NCOA7: variants seen among roughly 807,000 people sequenced by gnomAD.
The protein encoded by NCOA7 is nuclear receptor coactivator 7.
NCOA7 carries 45 observed loss-of-function variants against 104.3 expected under a neutral mutation model. The observed-to-expected ratio is 0.43, with a 90% CI of 0.34 to 0.55. NCOA7 has a LOEUF of 0.55. Among genes scored for constraint, NCOA7 ranks in the 20% least tolerant of loss-of-function variants. NCOA7 has a pLI of 0.02. For missense variants in NCOA7, 1,041 were observed against 1,119.7 expected, an observed-to-expected ratio of 0.93 and a Z score of 1.00; for synonymous variants, 398 against 402.3, an observed-to-expected ratio of 0.99 and a Z score of 0.13.
At chr6:125,802,151 T>C (rs1326847746) in intron 1 of NCOA7, among the ~76,000 whole-genome samples, 1 of 152,184 alleles carries the variant, frequency 6.6e-6, no homozygotes, top group African/African-American at 2.4e-5. Context: ...AACAATAATA[T>C]GTACTATGTG....
At position 125,781,752 on chromosome 6, in the gene NCOA7, C is replaced by T. The variant is rs11966586; in HGVS notation, c.-142+381C>T. On this transcript the variant is annotated intron_variant, in intron 1 of 16. Coordinates refer to the NCOA7 transcript ENST00000368357. ...AAGTACAAAAGGGTATGGTGAAAAC[C>T]ATCCTCCTACTCACTCCTTTCTTCT... Among the ~76,000 whole-genome samples the T allele has an allele frequency of 8.9e-3, 1,356 of 152,298 alleles. 22 individuals carry two copies. The highest frequency in any genetic ancestry group is 0.031 in the African/African-American group (1,297 of 41,552).
At chr6:125,888,462 A>G (rs1784406115) in intron 8 of NCOA7, among the ~76,000 whole-genome samples, 1 of 152,230 alleles carries the variant, frequency 6.6e-6, no homozygotes, top group Admixed American at 6.5e-5. Flanking sequence ...TTAAGTGAGT[A>G]GCTACTAAGT....
chr6:125,819,187 C>T (rs1042439525), intron 2 of NCOA7, among the ~76,000 whole-genome samples: 30 of 151,996 alleles, frequency 2.0e-4, no homozygotes, highest in Non-Finnish European at 7.4e-5. Flanking sequence ...GTTTCATAAT[C>T]GTTGTGTGAC....
intron 3 of NCOA7, among the ~76,000 whole-genome samples, chr6:125,856,079 G>T (rs962498094): frequency 2.0e-5 from 3 of 152,042 alleles, no homozygotes; most frequent in Non-Finnish European, 4.4e-5. Context: ...ATGCATACAT[G>T]GATTTTGTTT....
chr6:125,847,599 A>G (rs1780738002), intron 2 of NCOA7, among the ~76,000 whole-genome samples: 1 of 152,236 alleles, frequency 6.6e-6, no homozygotes. Flanking sequence ...TGTGTGGCTA[A>G]TATGTAGAAA....
chr6:125,855,409 T>TA lies in NCOA7; in HGVS notation c.271+173dup, dbSNP rs534840744. ...ATAATCTTGTGTAAGGGGATCACAC[T>TA]AAAATAATGTCTCATTTAAATTTGT... On this transcript the variant is annotated intron_variant, in intron 3 of 15. Transcript: ENST00000392477. 7 of 559,726 alleles carry TA rather than the reference T, an allele frequency of 1.3e-5. No homozygotes were observed. The East Asian group carries it at 2.1e-4, about 17-fold the overall frequency. 34.7% of individuals were successfully genotyped at this position (559,726 alleles called of 1,614,324 possible). A position where few individuals can be genotyped will look rare whatever the true frequency, so the allele number is the denominator to read the frequency against.
Position 125,838,150 on chromosome 6 carries a change from A to T in NCOA7, c.51-16870A>T, listed in dbSNP as rs1056145587. Among the ~76,000 whole-genome samples the T allele has an allele frequency of 1.3e-5, 2 of 152,086 alleles. 1 individual carries two copies. The highest frequency in any genetic ancestry group is 6.3e-3 in the Middle Eastern group (2 of 316). On this transcript the variant is annotated intron_variant, in intron 2 of 15. Coordinates refer to ENST00000392477, the MANE Select transcript of NCOA7 (RefSeq NM_181782.5). ...TTTTTTTTTAACATTCATGAGGAGA[A>T]CCCAAGTGTTTGGGAGACCATGAAG...
chr6:125,931,806 G>A lies in NCOA7; in HGVS notation c.*3035G>A, dbSNP rs1429439063. 1 of 152,220 alleles carries A rather than the reference G, an allele frequency of 6.6e-6. No individual in the cohort carries two copies. Among genetic ancestry groups the A allele is most frequent in the Non-Finnish European group, 1.5e-5 (1 of 68,040 alleles). The allele number at this position is 152,220 out of a possible 1,614,324, so 9.4% of individuals were successfully genotyped here. A position where few individuals can be genotyped will look rare whatever the true frequency, so the allele number is the denominator to read the frequency against. ...TGTTGAGGGAGGGACCTAGTGGGAT[G>A]TGATTAGAACATGGGGGCGGTTTCC... On this transcript the variant is annotated 3_prime_UTR_variant, in exon 16 of 16. Coordinates refer to ENST00000392477, the MANE Select transcript of NCOA7 (RefSeq NM_181782.5).
chr6:125,910,978 C>T (rs1394855774), intron 10 of NCOA7, among the ~76,000 whole-genome samples: 1 of 151,962 alleles, frequency 6.6e-6, no homozygotes, highest in South Asian at 2.1e-4. Flanking sequence ...AACACCAGGT[C>T]GTGGGGGTGA....
In NCOA7 at chr6:125,844,775, C is replaced by A. The variant is rs141025581; in HGVS notation, c.51-10245C>A. Among the ~76,000 whole-genome samples, 278 of 152,156 alleles carry A rather than the reference C, an allele frequency of 1.8e-3. 3 individuals are homozygous for A. Among genetic ancestry groups the A allele is most frequent in the African/African-American group, 6.5e-3 (269 of 41,506 alleles). On this transcript the variant is annotated intron_variant, in intron 2 of 15. Transcript: ENST00000392477. ...TTAATACCTGGCATTTGTCACATAC[C>A]TTCTTTTTTGTGTTAAATATGTTGT... is the stretch of plus-strand genomic sequence containing the variant.
Position 125,928,818 on chromosome 6 carries a change from C to A in NCOA7, c.*47C>A. ...TAACATTAAAAAGACTGGGTTCGATCAGCCCTCCTAAAGCTGGCTGGAAAA... is the reference window on the plus strand; with the variant it reads ...TAACATTAAAAAGACTGGGTTCGATAAGCCCTCCTAAAGCTGGCTGGAAAA... On this transcript the variant is annotated 3_prime_UTR_variant, in exon 16 of 16. Transcript: ENST00000392477. The A allele has an allele frequency of 6.3e-7, 1 of 1,587,064 alleles. No homozygotes were observed. The highest frequency in any genetic ancestry group is 1.2e-5 in the South Asian group (1 of 85,946).
At chr6:125,792,139 ATG>A (rs1462737411) in intron 1 of NCOA7, among the ~76,000 whole-genome samples, 3 of 152,218 alleles carry the variant, frequency 2.0e-5, no homozygotes, top group African/African-American at 7.2e-5. Flanking sequence ...TGTTGAATGA[ATG>A]AACTGTGTTT....
chr6:125,869,329 C>A lies in NCOA7; in HGVS notation c.272-5560C>A, dbSNP rs77117103. 7.6e-3 allele frequency among the ~76,000 whole-genome samples: 1,161 copies of A among 152,264 alleles called. 15 individuals carry two copies. Among genetic ancestry groups the A allele is most frequent in the African/African-American group, 0.027 (1,106 of 41,566 alleles). ...CTTGACACCCTCCCCAGTCTTCCCC[C>A]CCACCAGCATACTCAATGTCCACAT... is the stretch of plus-strand genomic sequence containing the variant. On this transcript the variant is annotated intron_variant, in intron 3 of 15. Transcript: ENST00000392477.
intron 5 of NCOA7, among the ~76,000 whole-genome samples, chr6:125,879,807 A>T (rs1418715150): frequency 6.6e-6 from 1 of 152,022 alleles, no homozygotes; most frequent in African/African-American, 2.4e-5. Flanking sequence ...GGACAGCCTG[A>T]CCAACATGGT....
At chr6:125,910,397 G>A (rs189704815) in intron 10 of NCOA7, among the ~76,000 whole-genome samples, 50 of 152,298 alleles carry the variant, frequency 3.3e-4, no homozygotes, top group African/African-American at 1.2e-3. Flanking sequence ...TTATAGTGAA[G>A]CATAGTTCAT....
intron 2 of NCOA7, among the ~76,000 whole-genome samples, chr6:125,832,456 A>G (rs927634906): frequency 6.6e-6 from 1 of 152,198 alleles, no homozygotes; most frequent in Non-Finnish European, 1.5e-5. Flanking sequence ...GCAGTAAATT[A>G]TTTTATTATT....
At chr6:125,855,355 T>G in intron 3 of NCOA7, 115 bp downstream of exon 3, 1 of 763,126 alleles carries the variant, frequency 1.3e-6, no homozygotes, top group Non-Finnish European at 2.1e-6. Flanking sequence ...GAGCAGCTGC[T>G]ATGTGCCCCT....
At chr6:125,874,429 G>A (rs1050129843) in intron 3 of NCOA7, among the ~76,000 whole-genome samples, 7 of 152,158 alleles carry the variant, frequency 4.6e-5, no homozygotes, top group Non-Finnish European at 8.8e-5. Context: ...GTGACCATAT[G>A]TTGATATATA....
rs1465511953 is a variant in NCOA7, at chr6:125,861,046, A to G, written c.271+5806A>G. 4.6e-5 allele frequency among the ~76,000 whole-genome samples: 7 copies of G among 152,296 alleles called. No individual in the cohort carries two copies. In the South Asian group the frequency reaches 8.3e-4, roughly 18 times the overall value. ...GTAGTCAAAGATTTATTTAAAGAGA[A>G]CCTCTGCAGTACAAAGAATGAATTT... On this transcript the variant is annotated intron_variant, in intron 3 of 15. Coordinates refer to ENST00000392477, the MANE Select transcript of NCOA7 (RefSeq NM_181782.5).
Sources: gnomAD v4.1 joint callset for allele counts (sites outside exome capture counted in the v4.1 genomes callset) on GRCh38, gnomAD v4.1.1 for gene constraint, MANE v1.5 for transcripts, NCBI Gene and HGNC (gene_info 2026-07-23, HGNC 2026-07-21) for gene names.